Variants in DCAF10 observed in about 807,000 individuals in gnomAD.
DCAF10 encodes the protein DDB1- and CUL4-associated factor 10.
DCAF10 carries 19 observed loss-of-function variants against 51.9 expected under a neutral mutation model. The ratio of observed to expected loss-of-function variants is 0.37; its 90% CI spans 0.26 to 0.54. DCAF10 has a LOEUF of 0.54. Ranked by LOEUF, DCAF10 falls within the 20% of genes least tolerant of loss-of-function variation. The pLI is 0.87. For missense variants in DCAF10, 510 were observed against 730.6 expected (o/e 0.70, Z 3.48); for synonymous variants, 291 against 297.1 (o/e 0.98, Z 0.21).
intron 3 of DCAF10, among the ~76,000 whole-genome samples, chr9:37,845,369 CATAA>C (rs933348548): frequency 3.9e-5 from 6 of 152,100 alleles, no homozygotes; most frequent in African/African-American, 9.6e-5. Flanking sequence ...AGAAAAAAGA[CATAA>C]ATAACTAATA....
intron 2 of DCAF10, among the ~76,000 whole-genome samples, chr9:37,838,984 A>G (rs1830254362): frequency 1.3e-5 from 2 of 152,162 alleles, no homozygotes; most frequent in Admixed American, 1.3e-4. Flanking sequence ...TGTTTTTGAG[A>G]TAATATTAGG....
chr9:37,852,002 A>G (rs1275200525), intron 3 of DCAF10, among the ~76,000 whole-genome samples: 1 of 152,148 alleles, frequency 6.6e-6, no homozygotes, highest in Non-Finnish European at 1.5e-5. Context: ...ATAATGACTG[A>G]GAAACTTTCA....
Position 37,861,713 on chromosome 9 carries a change from T to A in DCAF10, c.*205T>A, listed in dbSNP as rs1564055850. 1.6e-6 allele frequency: 1 copy of A among 608,324 alleles called. No individual in the cohort carries two copies. The highest frequency in any genetic ancestry group is 2.7e-6 in the Non-Finnish European group (1 of 369,666). The allele number at this position is 608,324 out of a possible 1,614,324, so 37.7% of individuals were successfully genotyped here. ...CCAAGTTAGACTCTATGCAGCATCA[T>A]CTTTTGCAGCATTCCTCTGCTCCTG... is the stretch of plus-strand genomic sequence containing the variant. On this transcript the variant is annotated 3_prime_UTR_variant, in exon 7 of 7. Transcript: ENST00000377724. The surrounding 1 kb of genome is among the most constrained non-coding windows in gnomAD (Gnocchi z 4.9).
rs889257826 is a variant in DCAF10 at position 37,865,641 on chromosome 9, A to T, written c.*4133A>T. On this transcript the variant is annotated 3_prime_UTR_variant, in exon 7 of 7. Coordinates refer to ENST00000377724, the MANE Select transcript of DCAF10 (RefSeq NM_024345.5). ...CAATGCTATGTTTAATGAGTTAGGGACATCAAATATATAGTAGTTCCTTAT... is the reference window on the plus strand; with the variant it reads ...CAATGCTATGTTTAATGAGTTAGGGTCATCAAATATATAGTAGTTCCTTAT... The T allele has an allele frequency of 2.0e-5, 3 of 152,230 alleles. No homozygotes were observed. The highest frequency in any genetic ancestry group is 7.2e-5 in the African/African-American group (3 of 41,458). The allele number at this position is 152,230 out of a possible 1,614,324, so 9.4% of individuals were successfully genotyped here.
chr9:37,820,143 A>G (rs74675506), intron 2 of DCAF10, among the ~76,000 whole-genome samples: 9,229 of 152,292 alleles, frequency 0.061, 375 homozygotes, highest in Middle Eastern at 0.13. Flanking sequence ...TTCTAAAAAA[A>G]GAAATAGGTA....
At chr9:37,822,449 A>C (rs1829735272) in intron 2 of DCAF10, among the ~76,000 whole-genome samples, 1 of 146,454 alleles carries the variant, frequency 6.8e-6, no homozygotes, top group African/African-American at 2.5e-5. Flanking sequence ...ATATGATGGA[A>C]TATTACTCAG....
intron 1 of DCAF10, among the ~76,000 whole-genome samples, chr9:37,802,308 A>G (rs1247836405): frequency 6.6e-6 from 1 of 152,256 alleles, no homozygotes; most frequent in African/African-American, 2.4e-5. Flanking sequence ...TAGATAGTAG[A>G]TAGCCTTACT....
chr9:37,816,558 C>G (rs2119047927), intron 1 of DCAF10, among the ~76,000 whole-genome samples: 2 of 152,074 alleles, frequency 1.3e-5, no homozygotes, highest in South Asian at 4.1e-4. Flanking sequence ...CCATTGCACT[C>G]CAGCTTGGGC....
intron 3 of DCAF10, among the ~76,000 whole-genome samples, chr9:37,845,626 G>C (rs1385074601): frequency 6.6e-6 from 1 of 152,148 alleles, no homozygotes; most frequent in African/African-American, 2.4e-5. Flanking sequence ...TTCGTAAATA[G>C]GCACTGCCCT....
At position 37,800,829 on chromosome 9, in the gene DCAF10, G is replaced by A. The variant is rs866379641; in HGVS notation, c.-38G>A. The stretch of plus-strand genomic sequence containing the variant: ...CAGGGGCACTGAGGTGTCGGCCGGC[G>A]GGGCAGTGGCCCGGAGCGGGGGGCG... On this transcript the variant is annotated 5_prime_UTR_variant, in exon 1 of 7. Transcript: ENST00000377724. The A allele has an allele frequency of 2.6e-5, 39 of 1,489,570 alleles. No homozygotes were observed. The highest frequency in any genetic ancestry group is 1.4e-4 in the African/African-American group (10 of 71,688). 92.3% of individuals were successfully genotyped at this position (1,489,570 alleles called of 1,614,324 possible).
chr9:37,846,369 G>A (rs779598729), intron 3 of DCAF10, among the ~76,000 whole-genome samples: 64 of 152,140 alleles, frequency 4.2e-4, no homozygotes, highest in Non-Finnish European at 7.5e-4. Context: ...AGTACTATGA[G>A]CAACTTTATG....
At chr9:37,818,560 C>T (rs1239049840) in intron 1 of DCAF10, among the ~76,000 whole-genome samples, 39 of 152,096 alleles carry the variant, frequency 2.6e-4, no homozygotes. Flanking sequence ...AAAAATATAA[C>T]TTTGCAGTGG....
At chr9:37,828,683 A>G (rs1829923440) in intron 2 of DCAF10, among the ~76,000 whole-genome samples, 1 of 152,164 alleles carries the variant, frequency 6.6e-6, no homozygotes, top group African/African-American at 2.4e-5. Flanking sequence ...TTAAGTGACA[A>G]TGGAATATCC....
chr9:37,811,324 C>G (rs958315090), intron 1 of DCAF10, among the ~76,000 whole-genome samples: 1 of 152,060 alleles, frequency 6.6e-6, no homozygotes, highest in Admixed American at 6.6e-5. Context: ...CAAGCAAGAC[C>G]CTGTCTCTAA....
intron 2 of DCAF10, among the ~76,000 whole-genome samples, chr9:37,836,768 C>G (rs1450579825): frequency 6.6e-6 from 1 of 151,726 alleles, no homozygotes; most frequent in African/African-American, 2.4e-5. Flanking sequence ...TGTTCACACC[C>G]TTACTTTTTT....
At position 37,861,469 on chromosome 9, in the gene DCAF10, C is replaced by A. The variant is rs762420139; in HGVS notation, c.1641C>A (p.Cys547Ter). 6.2e-7 allele frequency: 1 copy of A among 1,612,600 alleles called. No homozygotes were observed. The change falls in exon 7 of 7, where the codon TGC (cysteine) becomes TGA (stop). Residue 547 changes from cysteine to a stop codon, truncating the protein, a stop_gained. Transcript: ENST00000377724. LOFTEE classifies it high-confidence loss of function. The surrounding 1 kb of genome is among the most constrained non-coding windows in gnomAD (Gnocchi z 4.9). ...CACATTGTCAGATTGCCTCAGGGTG[C>A]CTTAGTGGACGGGTTTCTTTGTATC... ...SPTHCQIASGCLSGRVSLYQP... is the reference protein window; with the variant it reads ...SPTHCQIASG
At chr9:37,856,992 C>T (rs949993336) in intron 4 of DCAF10, among the ~76,000 whole-genome samples, 3 of 152,090 alleles carry the variant, frequency 2.0e-5, no homozygotes, top group Non-Finnish European at 4.4e-5. Flanking sequence ...GATCCAAAGA[C>T]GCTCCTATGA....
chr9:37,832,871 G>T (rs1830047305), intron 2 of DCAF10, among the ~76,000 whole-genome samples: 1 of 151,446 alleles, frequency 6.6e-6, no homozygotes, highest in South Asian at 2.1e-4. Flanking sequence ...GTTTTGTTTT[G>T]TTTTTTATTT....
At chr9:37,823,596 T>TTG (rs369831081) in intron 2 of DCAF10, among the ~76,000 whole-genome samples, 4,843 of 151,184 alleles carry the variant, frequency 0.032, 270 homozygotes, top group African/African-American at 0.11. Flanking sequence ...GGAGTTTTTT[T>TTG]GGCGGGGGGT....
Sources: allele counts gnomAD v4.1 joint callset (sites outside exome capture counted in the v4.1 genomes callset), GRCh38; gene constraint gnomAD v4.1.1; non-coding constraint Gnocchi (gnomAD v3.1); transcripts MANE v1.5; gene names NCBI Gene and HGNC (gene_info 2026-07-23, HGNC 2026-07-21).